CACNA2D3: variants seen among roughly 807,000 people sequenced by gnomAD.
CACNA2D3 encodes the protein calcium voltage-gated channel auxiliary subunit alpha2delta 3, also known as voltage-dependent calcium channel subunit alpha-2/delta-3.
In CACNA2D3, 60 loss-of-function variants were observed where a neutral mutation model predicts 160.6. The ratio of observed to expected loss-of-function variants is 0.37; its 90% confidence interval spans 0.30 to 0.46. CACNA2D3 has a LOEUF of 0.46. Among genes scored for constraint, CACNA2D3 ranks in the 20% least tolerant of loss-of-function variants. The pLI, the probability that CACNA2D3 is intolerant of heterozygous loss-of-function variation, is 1.00. For synonymous variants in CACNA2D3, 558 were observed against 492.9 expected (o/e 1.13, Z -1.75); for missense variants, 1,205 against 1,365.0 (o/e 0.88, Z 1.85).
chr3:55,044,815 C>T (rs977528715), intron 35 of CACNA2D3, among the ~76,000 whole-genome samples: 32 of 152,162 alleles, frequency 2.1e-4, no homozygotes, highest in African/African-American at 7.7e-4. Context: ...AGATTTATTT[C>T]TCTTTTATCA....
chr3:54,947,772 T>A (rs1701651672), intron 27 of CACNA2D3, among the ~76,000 whole-genome samples: 1 of 152,174 alleles, frequency 6.6e-6, no homozygotes, highest in Non-Finnish European at 1.5e-5. Flanking sequence ...ATGCTAGCCC[T>A]AAGGCAACTA....
At chr3:54,406,693 C>T (rs1699582799) in intron 4 of CACNA2D3, among the ~76,000 whole-genome samples, 1 of 151,354 alleles carries the variant, frequency 6.6e-6, no homozygotes, top group African/African-American at 2.4e-5. Context: ...AGTTGTAGGT[C>T]AAAGAATACA....
intron 10 of CACNA2D3, chr3:54,634,421 A>G (rs971811127): frequency 6.6e-6 from 1 of 152,110 alleles, no homozygotes; most frequent in Non-Finnish European, 1.5e-5. Context: ...CACCCTTAAC[A>G]TCACCATTAT....
chr3:54,229,661 T>C (rs961507990), intron 2 of CACNA2D3, among the ~76,000 whole-genome samples: 6 of 152,148 alleles, frequency 3.9e-5, no homozygotes, highest in Non-Finnish European at 7.3e-5. Flanking sequence ...TTAAGAAACC[T>C]TCATGGAATT....
intron 4 of CACNA2D3, among the ~76,000 whole-genome samples, chr3:54,406,819 C>CTT: frequency 6.6e-6 from 1 of 151,878 alleles, no homozygotes; most frequent in Non-Finnish European, 1.5e-5. Context: ...ATTATAGCTG[C>CTT]TTTTGTCACT....
intron 5 of CACNA2D3, among the ~76,000 whole-genome samples, chr3:54,550,877 G>A (rs1207709492): frequency 1.3e-5 from 2 of 152,152 alleles, no homozygotes; most frequent in South Asian, 2.1e-4. Context: ...CGACCAACAC[G>A]TGTTTGCAAG....
At position 54,789,616 on chromosome 3, in the gene CACNA2D3, TCTC is replaced by T. The variant is rs1327683777; in HGVS notation, c.1380+25269_1380+25271del. On this transcript the variant is annotated intron_variant, in intron 13 of 37. Coordinates refer to ENST00000474759, the MANE Select transcript of CACNA2D3 (RefSeq NM_018398.3). ...AAACTGTTTTGCCAAGCTTGCTTTCTCTCCTCTTAATTGTGAACCCAGGGTTAT... is the reference window on the plus strand; with the variant it reads ...AAACTGTTTTGCCAAGCTTGCTTTCTCTCTTAATTGTGAACCCAGGGTTAT... 3.7e-4 allele frequency among the ~76,000 whole-genome samples: 57 copies of T among 152,222 alleles called. 1 individual carries two copies. The highest frequency in any genetic ancestry group is 3.7e-3 in the Admixed American group (57 of 15,278).
intron 18 of CACNA2D3, among the ~76,000 whole-genome samples, chr3:54,871,874 C>T (rs548394110): frequency 1.3e-5 from 2 of 152,226 alleles, no homozygotes; most frequent in Non-Finnish European, 2.9e-5. Flanking sequence ...CCCCTGCGGA[C>T]GCTGGTCCCC....
chr3:54,202,925 A>C (rs1422260160), intron 2 of CACNA2D3, among the ~76,000 whole-genome samples: 2 of 152,200 alleles, frequency 1.3e-5, no homozygotes, highest in Non-Finnish European at 2.9e-5. Context: ...AGTGTATGTT[A>C]AGTGCAGAAA....
intron 3 of CACNA2D3, among the ~76,000 whole-genome samples, chr3:54,327,081 C>G (rs989325890): frequency 6.6e-6 from 1 of 152,092 alleles, no homozygotes; most frequent in African/African-American, 2.4e-5. Context: ...GTCAGTGAAC[C>G]ATCTTTGGTT....
At chr3:54,783,371 C>T (rs1575473266) in intron 13 of CACNA2D3, among the ~76,000 whole-genome samples, 1 of 152,136 alleles carries the variant, frequency 6.6e-6, no homozygotes. Flanking sequence ...TTTGGGAGGC[C>T]AAGGCAGGCA....
intron 4 of CACNA2D3, among the ~76,000 whole-genome samples, chr3:54,416,069 T>C (rs1699749321): frequency 6.6e-6 from 1 of 152,204 alleles, no homozygotes; most frequent in South Asian, 2.1e-4. Context: ...AAACATTGCT[T>C]TATTATTATT....
At chr3:54,594,263 G>A (rs998876071) in intron 9 of CACNA2D3, among the ~76,000 whole-genome samples, 5 of 152,136 alleles carry the variant, frequency 3.3e-5, no homozygotes, top group Non-Finnish European at 7.4e-5. Flanking sequence ...CTTTACAATT[G>A]TAGCATGAAA....
rs188060083 is a variant in CACNA2D3, at chr3:54,446,202, C to T, written c.382-57290C>T. ...TTTCAACAACCTTCATGTCTCCTAA[C>T]GAATATGCTGTCTTTCTTTAACATC... On this transcript the variant is annotated intron_variant, in intron 4 of 37. Coordinates refer to ENST00000474759, the MANE Select transcript of CACNA2D3 (RefSeq NM_018398.3). Among the ~76,000 whole-genome samples the T allele has an allele frequency of 1.7e-4, 26 of 152,310 alleles. 1 individual carries two copies. The East Asian group carries it at 2.9e-3, about 17-fold the overall frequency.
chr3:54,784,012 T>A (rs187588868), intron 13 of CACNA2D3, among the ~76,000 whole-genome samples: 10 of 152,364 alleles, frequency 6.6e-5, no homozygotes, highest in Admixed American at 5.9e-4. Flanking sequence ...CATGAAATGT[T>A]ATTCATGATA....
At chr3:54,238,968 C>T (rs1034697591) in intron 2 of CACNA2D3, among the ~76,000 whole-genome samples, 3 of 152,232 alleles carry the variant, frequency 2.0e-5, no homozygotes, top group African/African-American at 7.2e-5. Flanking sequence ...TATACACCAA[C>T]AGATGTGTTT....
At chr3:54,950,438 C>G (rs1701730037) in intron 27 of CACNA2D3, among the ~76,000 whole-genome samples, 1 of 152,174 alleles carries the variant, frequency 6.6e-6, no homozygotes, top group Admixed American at 6.5e-5. Flanking sequence ...TGTGAAATTG[C>G]AGTGTTCCTT....
chr3:54,255,604 C>A (rs564788309), intron 2 of CACNA2D3, among the ~76,000 whole-genome samples: 16 of 152,152 alleles, frequency 1.1e-4, no homozygotes, highest in Admixed American at 2.6e-4. Flanking sequence ...TCAGCTCAGT[C>A]CTTTGCTTGC....
chr3:54,799,192 A>C (rs992131761), intron 13 of CACNA2D3, among the ~76,000 whole-genome samples: 3 of 152,220 alleles, frequency 2.0e-5, no homozygotes, highest in African/African-American at 7.2e-5. Context: ...ACATAGCAGA[A>C]ATGCCTGGAG....
Sources: allele counts gnomAD v4.1 joint callset (sites outside exome capture counted in the v4.1 genomes callset), GRCh38; gene constraint gnomAD v4.1.1; transcripts MANE v1.5; gene names NCBI Gene and HGNC (gene_info 2026-07-23, HGNC 2026-07-21).